The following USH2A variants were observed in gnomAD, a reference collection of about 807,000 sequenced individuals.
USH2A encodes Usher syndrome 2A (autosomal recessive, mild).
USH2A carries 443 observed loss-of-function variants against 538.9 expected under a neutral mutation model. The ratio of observed to expected loss-of-function variants is 0.82; its 90% CI spans 0.76 to 0.89. The LOEUF is 0.89. Ranked by LOEUF, USH2A falls within the 40% of genes least tolerant of loss-of-function variation. USH2A has a pLI of 0.00. For missense variants in USH2A, 6,633 were observed against 6,324.8 expected (o/e 1.05, Z -1.65); for synonymous variants, 2,413 against 2,273.5 (o/e 1.06, Z -1.75).
intron 11 of USH2A, among the ~76,000 whole-genome samples, chr1:216,265,446 A>C (rs2036452554): frequency 6.6e-6 from 1 of 152,102 alleles, no homozygotes; most frequent in Non-Finnish European, 1.5e-5. Flanking sequence ...AGGTCACTTA[A>C]AAAAACTAAA....
chr1:215,801,794 T>C (rs914759032), intron 49 of USH2A, among the ~76,000 whole-genome samples: 1 of 151,996 alleles, frequency 6.6e-6, no homozygotes, highest in Non-Finnish European at 1.5e-5. Context: ...ACATGGAATC[T>C]CAAAAAACTG....
At chr1:215,663,339 C>T (rs1394861381) in intron 64 of USH2A, among the ~76,000 whole-genome samples, 4 of 152,174 alleles carry the variant, frequency 2.6e-5, no homozygotes, top group Non-Finnish European at 4.4e-5. Flanking sequence ...TCATAACACA[C>T]CCATTTTTTT....
intron 54 of USH2A, among the ~76,000 whole-genome samples, chr1:215,781,040 C>T (rs900228523): frequency 6.6e-6 from 1 of 152,212 alleles, no homozygotes; most frequent in Non-Finnish European, 1.5e-5. Flanking sequence ...ATTTTACTCC[C>T]ACATTGTTTG....
At chr1:215,952,108 C>T (rs1558178821) in intron 37 of USH2A, among the ~76,000 whole-genome samples, 1 of 151,986 alleles carries the variant, frequency 6.6e-6, no homozygotes, top group African/African-American at 2.4e-5. Flanking sequence ...TCATGATCCA[C>T]CCGCCTCGGC....
intron 21 of USH2A, among the ~76,000 whole-genome samples, chr1:216,113,021 T>G (rs1254617688): frequency 6.6e-6 from 1 of 151,808 alleles, no homozygotes; most frequent in Non-Finnish European, 1.5e-5. Flanking sequence ...GATCAAAGAA[T>G]GTTTTCTTTC....
At chr1:215,930,382 G>A (rs565115739) in intron 38 of USH2A, among the ~76,000 whole-genome samples, 38 of 150,654 alleles carry the variant, frequency 2.5e-4, no homozygotes, top group African/African-American at 8.2e-4. Context: ...GACAGTTTCA[G>A]ACAAGATTTC....
intron 4 of USH2A, among the ~76,000 whole-genome samples, chr1:216,332,134 G>T (rs1287878503): frequency 6.6e-6 from 1 of 152,092 alleles, no homozygotes; most frequent in Admixed American, 6.6e-5. Context: ...ACTGCTAGAG[G>T]ATCAGAATGG....
chr1:216,104,417 T>C (rs901586328), intron 21 of USH2A, among the ~76,000 whole-genome samples: 3 of 152,214 alleles, frequency 2.0e-5, no homozygotes, highest in African/African-American at 7.2e-5. Context: ...TATGGCTGCA[T>C]AGTATTTCAT....
At chr1:216,411,204 T>A (rs2039483983) in intron 3 of USH2A, among the ~76,000 whole-genome samples, 2 of 152,186 alleles carry the variant, frequency 1.3e-5, no homozygotes, top group Non-Finnish European at 2.9e-5. Flanking sequence ...CTTTGGTTTT[T>A]TAGTCTATGT....
intron 3 of USH2A, among the ~76,000 whole-genome samples, chr1:216,408,940 C>T (rs2039438008): frequency 6.6e-6 from 1 of 152,082 alleles, no homozygotes. Flanking sequence ...GAACAGCACC[C>T]AATTTAAAAC....
chr1:215,871,834 T>A (rs899197744), intron 43 of USH2A, among the ~76,000 whole-genome samples: 7 of 152,146 alleles, frequency 4.6e-5, no homozygotes, highest in African/African-American at 1.7e-4. Context: ...TTGGGGCAGG[T>A]TTTGATAAGA....
At chr1:216,247,434 C>T (rs987283577) in intron 12 of USH2A, among the ~76,000 whole-genome samples, 2 of 152,110 alleles carry the variant, frequency 1.3e-5, no homozygotes, top group Non-Finnish European at 2.9e-5. Context: ...CGATGAACTT[C>T]ATAAATTTTT....
chr1:216,335,512 CA>C (rs1558043176), intron 4 of USH2A, among the ~76,000 whole-genome samples: 1 of 151,310 alleles, frequency 6.6e-6, no homozygotes, highest in Non-Finnish European at 1.5e-5. Flanking sequence ...AAATTATTAA[CA>C]AATTTGACAA....
At chr1:215,840,267 TTAATTCTA>T (rs1422973788) in intron 46 of USH2A, among the ~76,000 whole-genome samples, 1 of 151,198 alleles carries the variant, frequency 6.6e-6, no homozygotes, top group African/African-American at 2.4e-5. Context: ...ATAGAGAGCC[TTAATTCTA>T]AAGTATTAGG....
At chr1:216,360,817 TATATTAC>T (rs1397906001) in intron 4 of USH2A, among the ~76,000 whole-genome samples, 2 of 152,130 alleles carry the variant, frequency 1.3e-5, no homozygotes, top group Non-Finnish European at 2.9e-5. Flanking sequence ...AATCAAGGAA[TATATTAC>T]ATTTATGGGC....
chr1:215,675,221 C>T lies in USH2A; in HGVS notation c.12690G>A (p.Leu4230=). 1.2e-6 allele frequency: 2 copies of T among 1,614,136 alleles called. No individual in the cohort carries two copies. Among genetic ancestry groups the T allele is most frequent in the Non-Finnish European group, 1.7e-6 (2 of 1,180,018 alleles). ...RNTFMYNDTG[L]QPWTQCEYKI... Reference sequence around the variant, plus strand: ...TATATTCACACTGCGTCCATGGTTGCAAACCTGTGTCATTATACATAAATG... The same window carrying T: ...TATATTCACACTGCGTCCATGGTTGTAAACCTGTGTCATTATACATAAATG... Residue 4230 remains leucine, a synonymous_variant, in exon 63 of 72, where the codon TTG becomes TTA. Coordinates refer to ENST00000307340, the MANE Select transcript of USH2A (RefSeq NM_206933.4).
intron 50 of USH2A, 84 bp from the exon 51 acceptor site, chr1:215,790,366 G>A: frequency 1.3e-6 from 2 of 1,486,366 alleles, no homozygotes; most frequent in Non-Finnish European, 1.9e-6. Flanking sequence ...GTATAAAAAT[G>A]TCAGGCTCAG....
intron 13 of USH2A, among the ~76,000 whole-genome samples, chr1:216,235,216 A>T (rs955709697): frequency 6.6e-6 from 1 of 152,024 alleles, no homozygotes; most frequent in Non-Finnish European, 1.5e-5. Context: ...ATTATAACTG[A>T]CCTCAATTTA....
intron 20 of USH2A, among the ~76,000 whole-genome samples, chr1:216,188,046 T>TA (rs892323093): frequency 5.3e-5 from 8 of 151,696 alleles, no homozygotes; most frequent in South Asian, 4.2e-4. Flanking sequence ...TTTTCAAGGA[T>TA]AAAAAAAATA....
Sources: gnomAD v4.1 joint callset for allele counts (sites outside exome capture counted in the v4.1 genomes callset) on GRCh38, gnomAD v4.1.1 for gene constraint, MANE v1.5 for transcripts, NCBI Gene and HGNC (gene_info 2026-07-23, HGNC 2026-07-21) for gene names.